COL24A1: variants seen among roughly 807,000 people sequenced by gnomAD.
COL24A1 encodes the protein collagen alpha-1(XXIV) chain.
A neutral mutation model predicts 253.9 loss-of-function variants in COL24A1; 224 were observed. That is an observed-to-expected ratio of 0.88 (90% CI 0.79 to 0.99). The LOEUF (loss-of-function observed/expected upper bound fraction) is 0.99. COL24A1 is among the 50% of genes least tolerant of loss of function. The pLI, the probability that COL24A1 is intolerant of heterozygous loss-of-function variation, is 0.00. For missense variants in COL24A1, 2,131 were observed against 2,068.5 expected, an observed-to-expected ratio of 1.03 and a Z score of -0.59; for synonymous variants, 685 against 673.7, an observed-to-expected ratio of 1.02 and a Z score of -0.26.
intron 11 of COL24A1, among the ~76,000 whole-genome samples, chr1:86,048,138 A>T (rs974915136): frequency 9.2e-5 from 14 of 152,196 alleles, no homozygotes; most frequent in African/African-American, 3.4e-4. Context: ...CTCATCAAGA[A>T]GCCAAATAAT....
chr1:85,926,866 G>T (rs1412836246), intron 24 of COL24A1, among the ~76,000 whole-genome samples: 2 of 152,038 alleles, frequency 1.3e-5, no homozygotes, highest in East Asian at 3.9e-4. Context: ...GGAGAACCAG[G>T]AATGCACAAA....
At chr1:85,894,877 G>A (rs1683495958) in intron 31 of COL24A1, among the ~76,000 whole-genome samples, 1 of 152,100 alleles carries the variant, frequency 6.6e-6, no homozygotes, top group Non-Finnish European at 1.5e-5. Context: ...TTTCAAAAAG[G>A]AACAAGCAAA....
At chr1:85,976,347 G>C (rs1692681387) in intron 20 of COL24A1, among the ~76,000 whole-genome samples, 1 of 152,098 alleles carries the variant, frequency 6.6e-6, no homozygotes, top group Admixed American at 6.5e-5. Context: ...CATGGGAGCT[G>C]GGTAAGACCT....
intron 24 of COL24A1, among the ~76,000 whole-genome samples, chr1:85,913,016 T>A (rs1263559256): frequency 6.6e-6 from 1 of 152,258 alleles, no homozygotes; most frequent in Non-Finnish European, 1.5e-5. Context: ...ATGTGGCTTA[T>A]AATTTTGACT....
chr1:85,942,392 T>C (rs1469631217), intron 24 of COL24A1, among the ~76,000 whole-genome samples: 1 of 152,202 alleles, frequency 6.6e-6, no homozygotes, highest in Non-Finnish European at 1.5e-5. Context: ...TCCTGCTGGT[T>C]TTGAGTATCT....
chr1:86,018,207 TA>T (rs1400801139), intron 18 of COL24A1, among the ~76,000 whole-genome samples: 2 of 152,216 alleles, frequency 1.3e-5, no homozygotes, highest in South Asian at 2.1e-4. Context: ...CAAGTTACAA[TA>T]CGGGATTGCC....
rs1571510499 is a variant in COL24A1, at chr1:85,992,523, A to T, written c.2311-4869T>A. Among the ~76,000 whole-genome samples the T allele has an allele frequency of 2.6e-5, 4 of 152,196 alleles. No homozygotes were observed. In the South Asian group the frequency reaches 8.3e-4, roughly 32 times the overall value. On this transcript the variant is annotated intron_variant, in intron 19 of 59. Transcript: ENST00000370571. Reference sequence around the variant, plus strand: ...TACCTATAAAGGAAACCTTTTTTTTAAACACACTCAAAATGTACATCAAAT... The same window carrying T: ...TACCTATAAAGGAAACCTTTTTTTTTAACACACTCAAAATGTACATCAAAT...
At chr1:86,079,756 G>T (rs1340154526) in intron 7 of COL24A1, among the ~76,000 whole-genome samples, 1 of 151,914 alleles carries the variant, frequency 6.6e-6, no homozygotes, top group African/African-American at 2.4e-5. Flanking sequence ...CAGTTAAAAC[G>T]GCTTATATCC....
Position 86,125,502 on chromosome 1 carries a change from T to C in COL24A1, c.834A>G (p.Val278=), listed in dbSNP as rs1237436997. The C allele has an allele frequency of 1.2e-6, 2 of 1,613,692 alleles. No homozygotes were observed. The highest frequency in any genetic ancestry group is 8.5e-7 in the Non-Finnish European group (1 of 1,179,784). Residue 278 remains valine (V), a synonymous_variant, in exon 3 of 60, where the codon GTA becomes GTG. Transcript: ENST00000370571. The part of the protein sequence containing the change: ...SPPPKLFAEK[V]LSEDTFTEGK... ...CTTCAGTAAATGTATCCTCTGACAG[T>C]ACTTTTTCAGCAAATAGTTTGGGCG...
At chr1:85,776,111 C>T (rs1437324198) in intron 52 of COL24A1, among the ~76,000 whole-genome samples, 2 of 152,112 alleles carry the variant, frequency 1.3e-5, no homozygotes, top group African/African-American at 4.8e-5. Context: ...TTTCCCTTCT[C>T]TTTCTTGCAA....
intron 5 of COL24A1, among the ~76,000 whole-genome samples, chr1:86,103,399 G>T (rs1704645355): frequency 6.6e-6 from 1 of 152,184 alleles, no homozygotes; most frequent in Admixed American, 6.5e-5. Context: ...ATTAATATAT[G>T]TGGATTTGAT....
At chr1:86,076,467 C>G (rs1571844231) in intron 7 of COL24A1, among the ~76,000 whole-genome samples, 1 of 152,046 alleles carries the variant, frequency 6.6e-6, no homozygotes, top group Admixed American at 6.6e-5. Flanking sequence ...CATACTGTCC[C>G]AAGTAATTTA....
At chr1:86,091,331 T>C (rs1162756971) in intron 6 of COL24A1, among the ~76,000 whole-genome samples, 1 of 152,066 alleles carries the variant, frequency 6.6e-6, no homozygotes, top group Non-Finnish European at 1.5e-5. Flanking sequence ...TTTCATATAG[T>C]ATCTGTAGAG....
At chr1:86,051,344 G>A (rs1053475370) in intron 10 of COL24A1, among the ~76,000 whole-genome samples, 5 of 152,048 alleles carry the variant, frequency 3.3e-5, no homozygotes. Context: ...TATGCAATAG[G>A]TGATATGACA....
Position 86,135,066 on chromosome 1 carries a change from G to A in COL24A1, c.122-8852C>T, listed in dbSNP as rs191305485. The stretch of plus-strand genomic sequence containing the variant: ...GGTGTATGTATATTTAGGAGAGTTA[G>A]CTCTTCTTGTTGAATTGATCCCTTT... On this transcript the variant is annotated intron_variant, in intron 2 of 59. Coordinates refer to ENST00000370571, the MANE Select transcript of COL24A1 (RefSeq NM_152890.7). Among the ~76,000 whole-genome samples the A allele has an allele frequency of 6.6e-5, 10 of 152,056 alleles. No homozygotes were observed. The South Asian group carries it at 1.2e-3, about 19-fold the overall frequency.
intron 53 of COL24A1, among the ~76,000 whole-genome samples, chr1:85,766,676 CT>C (rs1177620041): frequency 1.3e-5 from 2 of 151,902 alleles, no homozygotes; most frequent in Admixed American, 1.3e-4. Flanking sequence ...GAGCTATAAA[CT>C]TATTTGCATT....
intron 19 of COL24A1, among the ~76,000 whole-genome samples, chr1:86,004,693 C>T (rs186384019): frequency 2.9e-4 from 44 of 152,216 alleles, no homozygotes; most frequent in African/African-American, 9.9e-4. Flanking sequence ...TCTGTGCTTC[C>T]TTCACCACAC....
chr1:85,823,992 G>C lies in COL24A1; in HGVS notation c.3682-254C>G, dbSNP rs150960395. Among the ~76,000 whole-genome samples the C allele has an allele frequency of 9.3e-3, 1,414 of 151,970 alleles. 61 individuals are homozygous for C. Among genetic ancestry groups the C allele is most frequent in the Admixed American group, 0.066 (1,009 of 15,252 alleles). On this transcript the variant is annotated intron_variant, in intron 43 of 59. Coordinates refer to ENST00000370571, the MANE Select transcript of COL24A1 (RefSeq NM_152890.7). ...GAATTAATGTAGCAGGCTGAATGGT[G>C]GCCTCCCAAATGTTCGTCTATGTCC...
intron 19 of COL24A1, among the ~76,000 whole-genome samples, chr1:86,006,530 C>G (rs1695976717): frequency 6.6e-6 from 1 of 152,026 alleles, no homozygotes; most frequent in Non-Finnish European, 1.5e-5. Flanking sequence ...GATCACAGAC[C>G]TAATGTAAAA....
Sources: allele counts gnomAD v4.1 joint callset (sites outside exome capture counted in the v4.1 genomes callset), GRCh38; gene constraint gnomAD v4.1.1; transcripts MANE v1.5; gene names NCBI Gene and HGNC (gene_info 2026-07-23, HGNC 2026-07-21).